Variants in WARS1 observed in about 807,000 individuals in gnomAD.
WARS1 encodes the protein tryptophanyl-tRNA synthetase 1.
A neutral mutation model predicts 47.8 loss-of-function variants in WARS1; 17 were observed. The ratio of observed to expected loss-of-function variants is 0.36; its 90% confidence interval spans 0.24 to 0.53. WARS1 has a LOEUF of 0.53. Among genes scored for constraint, WARS1 ranks in the 20% least tolerant of loss-of-function variants. The probability of loss-of-function intolerance (pLI) is 0.91; values close to 1 mark genes in which losing one functional copy is unlikely to be tolerated. For synonymous variants in WARS1, 208 were observed against 228.1 expected (o/e 0.91, Z 0.79); for missense variants, 434 against 608.0 (o/e 0.71, Z 3.01).
intron 9 of WARS1, chr14:100,340,664 G>A (rs1015459148): frequency 4.6e-5 from 7 of 152,082 alleles, no homozygotes; most frequent in African/African-American, 1.7e-4. Flanking sequence ...ATTTTTAGGA[G>A]GCTGGAGCAG....
rs143362268 is a variant in WARS1, at chr14:100,363,382, G to C, written c.100-1461C>G. 3.9e-5 allele frequency among the ~76,000 whole-genome samples: 6 copies of C among 152,198 alleles called. No individual in the cohort carries two copies. The East Asian group carries it at 1.2e-3, about 29-fold the overall frequency. On this transcript the variant is annotated intron_variant, in intron 2 of 10. Transcript: ENST00000392882. ...TCAGTCTTAATCAGTGTCTGAACCAGGACACTGAAACAGGATTCAAAAGCT... is the reference window on the plus strand; with the variant it reads ...TCAGTCTTAATCAGTGTCTGAACCACGACACTGAAACAGGATTCAAAAGCT...
intron 1 of WARS1, among the ~76,000 whole-genome samples, chr14:100,374,462 G>C (rs781490913): frequency 6.6e-6 from 1 of 152,204 alleles, no homozygotes; most frequent in Non-Finnish European, 1.5e-5. Context: ...TGCTCATTCT[G>C]AAAGTTTCCA....
intron 8 of WARS1, among the ~76,000 whole-genome samples, 168 bp downstream of exon 8, chr14:100,343,107 C>A (rs1385181121): frequency 2.0e-5 from 3 of 152,230 alleles, no homozygotes; most frequent in Non-Finnish European, 2.9e-5. Flanking sequence ...GAACTCCTGG[C>A]CTCAAGTGAT....
chr14:100,370,659 G>A (rs982079084), intron 1 of WARS1: 159 of 152,106 alleles, frequency 1.0e-3, no homozygotes, highest in African/African-American at 3.6e-3. Context: ...AAATAGATTT[G>A]TAATCTCCAT....
chr14:100,370,385 T>C (rs796689992), intron 1 of WARS1: 11 of 151,750 alleles, frequency 7.2e-5, no homozygotes, highest in African/African-American at 2.4e-4. Flanking sequence ...GAGAACAAAA[T>C]GAGAAAAAAA....
At position 100,359,095 on chromosome 14, in the gene WARS1, T is replaced by C. The variant is rs538965689; in HGVS notation, c.422+1459A>G. Among the ~76,000 whole-genome samples the C allele has an allele frequency of 2.6e-5, 4 of 152,344 alleles. No homozygotes were observed. The East Asian group carries it at 5.8e-4, about 22-fold the overall frequency. On this transcript the variant is annotated intron_variant, in intron 4 of 10. Coordinates refer to ENST00000392882, the MANE Select transcript of WARS1 (RefSeq NM_004184.4). ...GGAAAGTAAAATGATACAGTTGCTGTAGAAAAGTCTGTCAGTTCCTCAAAG... is the reference window on the plus strand; with the variant it reads ...GGAAAGTAAAATGATACAGTTGCTGCAGAAAAGTCTGTCAGTTCCTCAAAG...
intron 4 of WARS1, among the ~76,000 whole-genome samples, chr14:100,359,301 G>C (rs1895517298): frequency 6.6e-6 from 1 of 152,170 alleles, no homozygotes; most frequent in Non-Finnish European, 1.5e-5. Flanking sequence ...AACAAAATGT[G>C]AGGTATATCC....
intron 7 of WARS1, among the ~76,000 whole-genome samples, chr14:100,344,796 G>GAC (rs1894438385): frequency 6.6e-6 from 1 of 151,786 alleles, no homozygotes; most frequent in Admixed American, 6.6e-5. Context: ...GAGGTGAGGA[G>GAC]CGTCTCTGCC....
intron 10 of WARS1, among the ~76,000 whole-genome samples, 184 bp from the exon 11 acceptor site, chr14:100,335,220 C>T (rs1036409700): frequency 2.6e-5 from 4 of 152,176 alleles, no homozygotes; most frequent in East Asian, 1.9e-4. Flanking sequence ...TTTCCTAAAA[C>T]GGCTAGAAAC....
chr14:100,372,628 C>T (rs1896418647), intron 1 of WARS1, among the ~76,000 whole-genome samples: 2 of 152,240 alleles, frequency 1.3e-5, no homozygotes, highest in Admixed American at 1.3e-4. Context: ...TCTAAGGTCT[C>T]TGTCCATATC....
At chr14:100,344,525 C>A (rs1158499909) in intron 7 of WARS1, among the ~76,000 whole-genome samples, 2 of 152,064 alleles carry the variant, frequency 1.3e-5, no homozygotes. Context: ...AAGTGAGGAG[C>A]GTCTCTGCCT....
chr14:100,367,966 TA>T (rs34345611), intron 2 of WARS1, among the ~76,000 whole-genome samples: 144,835 of 152,204 alleles, frequency 0.95, 69,320 homozygotes, highest in East Asian at 1. Context: ...CAAAGAGGAA[TA>T]AAGATGCAGG....
intron 1 of WARS1, among the ~76,000 whole-genome samples, chr14:100,371,447 C>CAAAAATAAAAAAAAAAAAAAAAAA (rs1896340258): frequency 1.1e-5 from 1 of 89,102 alleles, no homozygotes; most frequent in Non-Finnish European, 2.9e-5. Context: ...GGTTCTGTCT[C>CAAAAATAAAAAAAAAAAAAAAAAA]AAAAAAAAAA....
chr14:100,368,572 G>T (rs1353340298), intron 2 of WARS1: 1 of 439,098 alleles, frequency 2.3e-6, no homozygotes, highest in East Asian at 7.0e-5. Context: ...AGGGAGAGGT[G>T]GGCTGGAGGG....
Position 100,334,373 on chromosome 14 carries a change from T to C in WARS1, c.*502A>G, listed in dbSNP as rs1326634982. On this transcript the variant is annotated 3_prime_UTR_variant, in exon 11 of 11. Transcript: ENST00000392882. ...AAGCTTTTACTTATCAATTTCTTTT[T>C]GGGAGGGGGCATGGGCTGAAATACA... 1.3e-5 allele frequency: 2 copies of C among 152,498 alleles called. No individual in the cohort carries two copies. Among genetic ancestry groups the C allele is most frequent in the East Asian group, 3.9e-4 (2 of 5,188 alleles). 9.4% of individuals were successfully genotyped at this position (152,498 alleles called of 1,614,324 possible). A position where few individuals can be genotyped will look rare whatever the true frequency, so the allele number is the denominator to read the frequency against.
Position 100,361,911 on chromosome 14 carries a change from T to G in WARS1, c.110A>C (p.Asp37Ala), listed in dbSNP as rs759934254. 6.2e-7 allele frequency: 1 copy of G among 1,614,188 alleles called. No homozygotes were observed. Among genetic ancestry groups the G allele is most frequent in the East Asian group, 2.2e-5 (1 of 44,886 alleles). ...TGACACCAACATCTTTACTGCAGAA[T>G]CAATTTCATCCTGAGAGAGGAAATA... ...KAGNASKDEIDSAVKMLVSLK... is the reference protein window; with the variant it reads ...KAGNASKDEIASAVKMLVSLK... The change falls in exon 3 of 11, where the codon GAT becomes GCT. Residue 37 changes from aspartate (D) to alanine (A), a missense_variant. Physicochemically the swap from Asp to Ala is moderately radical, Grantham distance 126. This residue lies in a region of WARS1 where 87 missense variants were observed against 84.2 expected (regional missense o/e 1.03). Coordinates refer to ENST00000392882, the MANE Select transcript of WARS1 (RefSeq NM_004184.4).
chr14:100,342,108 C>T (rs1168395828), intron 9 of WARS1: 2 of 396,260 alleles, frequency 5.0e-6, no homozygotes, highest in Admixed American at 3.6e-5. Flanking sequence ...ATTGCCATGA[C>T]TTTGCCTGCA....
At chr14:100,341,691 C>T (rs1197687075) in intron 9 of WARS1, among the ~76,000 whole-genome samples, 1 of 152,250 alleles carries the variant, frequency 6.6e-6, no homozygotes, top group Non-Finnish European at 1.5e-5. Flanking sequence ...CTTTTAGTTT[C>T]TCTAGTGATT....
At chr14:100,371,467 A>T (rs904412147) in intron 1 of WARS1, among the ~76,000 whole-genome samples, 1 of 140,588 alleles carries the variant, frequency 7.1e-6, no homozygotes, top group Non-Finnish European at 1.5e-5. Flanking sequence ...AAAAAAAAAA[A>T]GTAGGCCAGG....
Sources: gnomAD v4.1 joint callset for allele counts (sites outside exome capture counted in the v4.1 genomes callset) on GRCh38, gnomAD v4.1.1 for gene constraint, gnomAD v4.1.1 regional missense constraint, MANE v1.5 for transcripts, NCBI Gene and HGNC (gene_info 2026-07-23, HGNC 2026-07-21) for gene names.